AKNAD1: variants seen among roughly 807,000 people sequenced by gnomAD.
AKNAD1 encodes the protein protein AKNAD1.
A neutral mutation model predicts 90.8 loss-of-function variants in AKNAD1; 67 were observed. That is an observed-to-expected ratio of 0.74 (90% CI 0.61 to 0.90). The LOEUF is 0.90. Ranked by LOEUF, AKNAD1 falls within the 40% of genes least tolerant of loss-of-function variation. The pLI, the probability that AKNAD1 is intolerant of heterozygous loss-of-function variation, is 0.00. For synonymous variants in AKNAD1, 327 were observed against 341.4 expected (o/e 0.96, Z 0.46); for missense variants, 957 against 975.4 (o/e 0.98, Z 0.25).
At chr1:108,850,231 C>T (rs11583007) in intron 2 of AKNAD1, among the ~76,000 whole-genome samples, 16,765 of 152,234 alleles carry the variant, frequency 0.11, 1,196 homozygotes, top group African/African-American at 0.2. Context: ...TGCTGGAGAG[C>T]TGGTCAAAAT....
Position 108,849,046 on chromosome 1 carries a change from C to A in AKNAD1, c.1048G>T (p.Ala350Ser). 6.3e-7 allele frequency: 1 copy of A among 1,598,986 alleles called. No homozygotes were observed. The change falls in exon 4 of 16, where the codon GCA becomes TCA. Residue 350 changes from alanine to serine, a missense_variant. Ala to Ser is a moderately conservative substitution (Grantham distance 99). Transcript: ENST00000370001. ...GTTGGTGACAACTTAGAGAGACTTG[C>A]CTCAGATTCTATTCCTATACAAGAA... ...QELLTGIESE[A>S]SLSKLSPTSQ...
chr1:108,818,126 T>C (rs899679150), intron 14 of AKNAD1, among the ~76,000 whole-genome samples: 1 of 152,156 alleles, frequency 6.6e-6, no homozygotes, highest in Non-Finnish European at 1.5e-5. Context: ...TGCCTGGAGT[T>C]AGGCTTTTCT....
Position 108,852,216 on chromosome 1 carries a change from C to T in AKNAD1, c.449G>A (p.Ser150Asn). 1 of 1,613,270 alleles carries T rather than the reference C, an allele frequency of 6.2e-7. No individual in the cohort carries two copies. ...ATTCTTATTATAACATGAAATAATA[C>T]TTTTAATAATAGCTTCCTCTTCAAA... Reference protein sequence around the residue: ...DSFEEEAIIKSIISCYNKNSW... With the variant: ...DSFEEEAIIKNIISCYNKNSW... Residue 150 changes from serine (S) to asparagine (N), a missense_variant, in exon 2 of 16, where the codon AGT becomes AAT. Ser to Asn is a conservative substitution (Grantham distance 46, BLOSUM62 1). Transcript: ENST00000370001.
chr1:108,835,703 C>A (rs1225832674), intron 7 of AKNAD1, among the ~76,000 whole-genome samples: 1 of 151,676 alleles, frequency 6.6e-6, no homozygotes, highest in Non-Finnish European at 1.5e-5. Flanking sequence ...CGGCTCACTG[C>A]AACCTCTGCC....
chr1:108,836,199 G>A (rs1265568553), intron 7 of AKNAD1, among the ~76,000 whole-genome samples: 1 of 152,220 alleles, frequency 6.6e-6, no homozygotes, highest in Non-Finnish European at 1.5e-5. Flanking sequence ...GCCAGGTAGA[G>A]GGCAGGGCCA....
chr1:108,838,669 T>C (rs1441446570), intron 6 of AKNAD1, among the ~76,000 whole-genome samples: 2 of 151,834 alleles, frequency 1.3e-5, no homozygotes, highest in South Asian at 2.1e-4. Context: ...TTCCAAAATA[T>C]CTATGAAACA....
At chr1:108,825,894 AAG>A (rs1663982704) in intron 11 of AKNAD1, among the ~76,000 whole-genome samples, 1 of 151,834 alleles carries the variant, frequency 6.6e-6, no homozygotes, top group Non-Finnish European at 1.5e-5. Flanking sequence ...ATTTAGTGAG[AAG>A]AGTGGCATCA....
At position 108,843,282 on chromosome 1, in the gene AKNAD1, T is replaced by A; in HGVS notation, c.1246-15A>T. ...TTCTCCAGGACCTGCAGCGGTGAAG[T>A]CACTGGAATCATTCACATGCAAGCC... On this transcript the variant is annotated splice_polypyrimidine_tract_variant and intron_variant, in intron 5 of 15. Coordinates refer to ENST00000370001, the MANE Select transcript of AKNAD1 (RefSeq NM_152763.5). 1 of 1,612,450 alleles carries A rather than the reference T, an allele frequency of 6.2e-7. No individual in the cohort carries two copies. Among genetic ancestry groups the A allele is most frequent in the Non-Finnish European group, 8.5e-7 (1 of 1,179,550 alleles).
chr1:108,816,206 T>TAGCA lies in AKNAD1; in HGVS notation c.2472_2475dup (p.Lys826CysfsTer2). ...AGTCGATTCCTCCACCTCTGTGCTT[T>TAGCA]AGCAAGGTCTTCTGCAATCGTTTTA... On this transcript the variant is annotated frameshift_variant, in exon 16 of 16. Coordinates refer to ENST00000370001, the MANE Select transcript of AKNAD1 (RefSeq NM_152763.5). LOFTEE classifies it high-confidence loss of function. The TAGCA allele has an allele frequency of 6.2e-7, 1 of 1,613,410 alleles. No individual in the cohort carries two copies. Among genetic ancestry groups the TAGCA allele is most frequent in the East Asian group, 2.2e-5 (1 of 44,808 alleles).
chr1:108,835,165 C>T, intron 7 of AKNAD1, 109 bp from the exon 8 acceptor site: 1 of 1,256,272 alleles, frequency 8.0e-7, no homozygotes, highest in Non-Finnish European at 1.1e-6. Flanking sequence ...TAACATCCTG[C>T]CTGGCGTCCC....
chr1:108,822,713 T>G (rs1663856164), intron 13 of AKNAD1, among the ~76,000 whole-genome samples: 1 of 152,192 alleles, frequency 6.6e-6, no homozygotes. Flanking sequence ...CAGGTATAGC[T>G]GTCGTTCAGT....
At chr1:108,834,340 A>G in intron 9 of AKNAD1, 107 bp downstream of exon 9, 1 of 916,234 alleles carries the variant, frequency 1.1e-6, no homozygotes, top group Non-Finnish European at 1.7e-6. Flanking sequence ...GGAAGAGGTA[A>G]GTGATCTTGA....
In AKNAD1 at chr1:108,837,472, AT is replaced by A. The variant is rs1417224863; in HGVS notation, c.1536+77del. ...AGATATTAAAAATGGAATTCAGTGA[AT>A]CCATGAATTAGGAGTCTATAAATGC... On this transcript the variant is annotated intron_variant, in intron 7 of 15. Coordinates refer to ENST00000370001, the MANE Select transcript of AKNAD1 (RefSeq NM_152763.5). 5 of 1,319,834 alleles carry A rather than the reference AT, an allele frequency of 3.8e-6. No individual in the cohort carries two copies. In the African/African-American group the frequency reaches 7.4e-5, roughly 19 times the overall value. 81.8% of individuals were successfully genotyped at this position (1,319,834 alleles called of 1,614,324 possible). A position where few individuals can be genotyped will look rare whatever the true frequency, so the allele number is the denominator to read the frequency against.
At chr1:108,831,750 C>T (rs1207758789) in intron 9 of AKNAD1, among the ~76,000 whole-genome samples, 1 of 150,074 alleles carries the variant, frequency 6.7e-6, no homozygotes, top group Non-Finnish European at 1.5e-5. Flanking sequence ...GCTCAGCCCC[C>T]CAAGTAGCTG....
chr1:108,818,533 T>C (rs553121757), intron 14 of AKNAD1, among the ~76,000 whole-genome samples: 1 of 152,320 alleles, frequency 6.6e-6, no homozygotes, highest in African/African-American at 2.4e-5. Context: ...ATGAGCCTGG[T>C]ACCATTCTAA....
intron 15 of AKNAD1, 98 bp downstream of exon 15, chr1:108,816,950 C>T (rs1663631464): frequency 7.0e-7 from 1 of 1,437,818 alleles, no homozygotes; most frequent in Admixed American, 1.9e-5. Flanking sequence ...TTTTCTGAAG[C>T]TCTGATACTG....
At chr1:108,846,648 GTC>G (rs1664709984) in intron 5 of AKNAD1, among the ~76,000 whole-genome samples, 1 of 151,958 alleles carries the variant, frequency 6.6e-6, no homozygotes, top group Non-Finnish European at 1.5e-5. Context: ...TTTCCCTCGA[GTC>G]TCTCCTGGGC....
At chr1:108,841,194 T>C (rs924161073) in intron 6 of AKNAD1, among the ~76,000 whole-genome samples, 1 of 151,166 alleles carries the variant, frequency 6.6e-6, no homozygotes, top group African/African-American at 2.4e-5. Flanking sequence ...ATAGTAATAA[T>C]AAAAATAATA....
chr1:108,849,535 A>G lies in AKNAD1; in HGVS notation c.1033+2T>C, dbSNP rs781364210. ...CTCAAAGAAGTTTTAAAACATTAGT[A>G]CCTGTGAGAAGTTCTTGGTGGATAT... is the stretch of plus-strand genomic sequence containing the variant. On this transcript the variant is annotated splice_donor_variant, in intron 3 of 15. Transcript: ENST00000370001. LOFTEE classifies it high-confidence loss of function. The G allele has an allele frequency of 1.9e-6, 3 of 1,567,244 alleles. No individual in the cohort carries two copies. Among genetic ancestry groups the G allele is most frequent in the Non-Finnish European group, 2.6e-6 (3 of 1,137,536 alleles).
Sources: allele counts gnomAD v4.1 joint callset (sites outside exome capture counted in the v4.1 genomes callset), GRCh38; gene constraint gnomAD v4.1.1; transcripts MANE v1.5; gene names NCBI Gene and HGNC (gene_info 2026-07-23, HGNC 2026-07-21).